The following ADAM9 variants were observed in gnomAD, a reference collection of about 807,000 sequenced individuals.
ADAM9 encodes the protein ADAM metallopeptidase domain 9.
Under a neutral mutation model 108.1 loss-of-function variants are expected in ADAM9, and 54 were observed. That is an observed-to-expected ratio of 0.50 (90% CI 0.40 to 0.63). The LOEUF (loss-of-function observed/expected upper bound fraction) is 0.63. Ranked by LOEUF, ADAM9 falls within the 20% of genes least tolerant of loss-of-function variation. The probability of loss-of-function intolerance (pLI) is 0.00; values close to 1 mark genes in which losing one functional copy is unlikely to be tolerated. For missense variants in ADAM9, 830 were observed against 997.7 expected (o/e 0.83, Z 2.26); for synonymous variants, 316 against 336.0 (o/e 0.94, Z 0.65).
At chr8:39,049,604 AATTTTTGT>A (rs1176677112) in intron 12 of ADAM9, among the ~76,000 whole-genome samples, 2 of 151,740 alleles carry the variant, frequency 1.3e-5, no homozygotes, top group African/African-American at 2.4e-5. Flanking sequence ...ACGCTTGGCT[AATTTTTGT>A]ATTTTTAGTG....
intron 13 of ADAM9, 86 bp from the exon 14 acceptor site, chr8:39,055,491 T>C (rs1307497631): frequency 1.5e-6 from 2 of 1,337,556 alleles, no homozygotes; most frequent in Admixed American, 1.7e-5. Flanking sequence ...GAATGCTTTA[T>C]AGATGTAAAT....
intron 14 of ADAM9, among the ~76,000 whole-genome samples, chr8:39,067,778 T>A (rs1350642546): frequency 6.6e-6 from 1 of 152,196 alleles, no homozygotes; most frequent in Non-Finnish European, 1.5e-5. Flanking sequence ...CTTCCAACAG[T>A]ATGTTGAATA....
intron 19 of ADAM9, 78 bp downstream of exon 19, chr8:39,090,266 G>A (rs1198274178): frequency 7.8e-7 from 1 of 1,284,934 alleles, no homozygotes; most frequent in East Asian, 2.6e-5. Context: ...GACTTCCCTG[G>A]GCTCAGGTGA....
At chr8:39,100,334 G>A (rs183067218) in intron 20 of ADAM9, among the ~76,000 whole-genome samples, 11 of 149,922 alleles carry the variant, frequency 7.3e-5, no homozygotes, top group African/African-American at 2.4e-4. Flanking sequence ...CTAAAAATAC[G>A]AAAAAAAAAT....
intron 1 of ADAM9, among the ~76,000 whole-genome samples, chr8:38,997,859 C>T (rs574596466): frequency 6.6e-6 from 1 of 152,190 alleles, no homozygotes; most frequent in Admixed American, 6.5e-5. Context: ...AATCCCTGCT[C>T]TTTTGAACTC....
intron 16 of ADAM9, among the ~76,000 whole-genome samples, chr8:39,079,594 ATT>A (rs397786496): frequency 4.9e-5 from 7 of 142,164 alleles, no homozygotes; most frequent in Non-Finnish European, 7.7e-5. Flanking sequence ...AATATCATGA[ATT>A]TTTTTTTTTT....
rs1836453992 is a variant in ADAM9, at chr8:39,014,250, G to A, written c.333+207G>A. Reference sequence around the variant, plus strand: ...AGCTCTCCAGGTACTCAGTAGTTAAGGTTTTTTTTTTAAAGACTAGGAAAA... The same window carrying A: ...AGCTCTCCAGGTACTCAGTAGTTAAAGTTTTTTTTTTAAAGACTAGGAAAA... On this transcript the variant is annotated intron_variant, in intron 4 of 21. Transcript: ENST00000487273. 4 of 571,852 alleles carry A rather than the reference G, an allele frequency of 7.0e-6. No homozygotes were observed. The East Asian group carries it at 1.1e-4, about 16-fold the overall frequency. 35.4% of individuals were successfully genotyped at this position (571,852 alleles called of 1,614,324 possible).
chr8:39,078,128 A>G (rs1276297031), intron 16 of ADAM9, among the ~76,000 whole-genome samples: 1 of 152,152 alleles, frequency 6.6e-6, no homozygotes, highest in African/African-American at 2.4e-5. Context: ...TGGGCCTTCA[A>G]GTTACTTCAC....
At chr8:39,017,493 A>G (rs1836575575) in intron 6 of ADAM9, 79 bp downstream of exon 6, 1 of 1,420,812 alleles carries the variant, frequency 7.0e-7, no homozygotes, top group Non-Finnish European at 9.8e-7. Context: ...AATCAATACT[A>G]TGAGTAGTGT....
chr8:39,021,343 C>G (rs1037651687), intron 7 of ADAM9, among the ~76,000 whole-genome samples: 1 of 151,968 alleles, frequency 6.6e-6, no homozygotes, highest in Non-Finnish European at 1.5e-5. Flanking sequence ...AGTGAAATGG[C>G]GGGATCTTGG....
chr8:39,087,885 G>A (rs573944734), intron 18 of ADAM9, among the ~76,000 whole-genome samples: 3 of 152,222 alleles, frequency 2.0e-5, no homozygotes, highest in South Asian at 4.1e-4. Flanking sequence ...ACTTAACTAC[G>A]AATAGTCTGC....
At chr8:39,087,058 T>A (rs573876570) in intron 18 of ADAM9, among the ~76,000 whole-genome samples, 1 of 152,344 alleles carries the variant, frequency 6.6e-6, no homozygotes, top group Admixed American at 6.5e-5. Context: ...ATCTTTCAGC[T>A]TTTTCTCTGT....
chr8:39,042,374 A>G (rs965758512), intron 12 of ADAM9, among the ~76,000 whole-genome samples: 1 of 152,076 alleles, frequency 6.6e-6, no homozygotes, highest in African/African-American at 2.4e-5. Flanking sequence ...GCTATTTTCT[A>G]TGATTTATGG....
chr8:39,089,919 A>G (rs532383569), intron 18 of ADAM9, 128 bp from the exon 19 acceptor site: 1 of 1,039,276 alleles, frequency 9.6e-7, no homozygotes, highest in Admixed American at 1.7e-5. Flanking sequence ...AAGACTTCTC[A>G]ATATATTCAA....
Position 39,017,201 on chromosome 8 carries a change from G to T in ADAM9, c.411-18G>T, listed in dbSNP as rs768812089. ...TTTCTTTTTCTTAAAATTTGTATAC[G>T]TGTAATGCAACATTCAGAGGATTGC... On this transcript the variant is annotated intron_variant, in intron 5 of 21. Transcript: ENST00000487273. The T allele has an allele frequency of 1.2e-6, 2 of 1,613,586 alleles. No homozygotes were observed. The highest frequency in any genetic ancestry group is 1.7e-6 in the Non-Finnish European group (2 of 1,179,636).
At chr8:39,084,590 T>G (rs1449848349) in intron 18 of ADAM9, among the ~76,000 whole-genome samples, 1 of 152,044 alleles carries the variant, frequency 6.6e-6, no homozygotes, top group Non-Finnish European at 1.5e-5. Context: ...ATCCTTTTTT[T>G]TTTTTAAACT....
At chr8:39,059,010 G>A (rs755040565) in intron 14 of ADAM9, among the ~76,000 whole-genome samples, 48 of 152,178 alleles carry the variant, frequency 3.2e-4, no homozygotes, top group Admixed American at 2.0e-4. Flanking sequence ...TCTCCAAAAG[G>A]CATTTCCACC....
chr8:39,055,601 C>T lies in ADAM9; in HGVS notation c.1420C>T (p.Arg474Ter), dbSNP rs2129438784. The T allele has an allele frequency of 5.6e-6, 9 of 1,613,524 alleles. No homozygotes were observed. Among genetic ancestry groups the T allele is most frequent in the Non-Finnish European group, 7.6e-6 (9 of 1,179,644 alleles). ...CRFLPGGTLC[R>*]GKTSECDVPE... ...GTTCCTTCCAGGAGGTACTTTATGC[C>T]GAGGAAAAACCAGTGAGTGTGATGT... The change falls in exon 14 of 22, where the codon CGA (arginine) becomes TGA (stop). Residue 474 changes from arginine (R) to a stop codon, truncating the protein, a stop_gained. Coordinates refer to ENST00000487273, the MANE Select transcript of ADAM9 (RefSeq NM_003816.3). LOFTEE classifies it high-confidence loss of function.
chr8:39,013,850 G>C, intron 3 of ADAM9, 115 bp from the exon 4 acceptor site: 1 of 835,366 alleles, frequency 1.2e-6, no homozygotes, highest in Non-Finnish European at 2.0e-6. Flanking sequence ...TAATTTATCT[G>C]GTGAAAGTTC....
Sources: allele counts gnomAD v4.1 joint callset (sites outside exome capture counted in the v4.1 genomes callset), GRCh38; gene constraint gnomAD v4.1.1; transcripts MANE v1.5; gene names NCBI Gene and HGNC (gene_info 2026-07-23, HGNC 2026-07-21).